POLI: variants seen among roughly 807,000 people sequenced by gnomAD.
POLI encodes the protein DNA polymerase iota, also known as RAD30 homolog B.
In POLI, 58 loss-of-function variants were observed where a neutral mutation model predicts 51.6. That is an observed-to-expected ratio of 1.12 (90% CI 0.91 to 1.40). The LOEUF (loss-of-function observed/expected upper bound fraction) is 1.40. Among genes scored for constraint, POLI ranks in the 40% most tolerant of loss-of-function variants. The probability of loss-of-function intolerance (pLI) is 0.00; values close to 1 mark genes in which losing one functional copy is unlikely to be tolerated. For synonymous variants in POLI, 322 were observed against 299.7 expected (o/e 1.07, Z -0.77); for missense variants, 921 against 871.3 (o/e 1.06, Z -0.72).
Position 54,282,960 on chromosome 18 carries a change from A to T in POLI, c.920A>T (p.Gln307Leu). The T allele has an allele frequency of 6.2e-7, 1 of 1,611,004 alleles. No individual in the cohort carries two copies. The highest frequency in any genetic ancestry group is 2.2e-5 in the East Asian group (1 of 44,802). The change falls in exon 6 of 10, where the codon CAA becomes CTA. Residue 307 changes from glutamine (Q) to leucine (L), a missense_variant. Gln to Leu is a moderately radical substitution (Grantham distance 113, BLOSUM62 -2). Transcript: ENST00000579534. ...ELGISVAQRI[Q>L]KLSFGEDNSP... ...GGAATTTCAGTTGCTCAGCGTATCC[A>T]AAAGCTCAGTTTTGGAGAGGATAAC...
intron 3 of POLI, among the ~76,000 whole-genome samples, chr18:54,317,573 A>G (rs1368062933): frequency 6.6e-6 from 1 of 152,168 alleles, no homozygotes. Context: ...TATTAAAATT[A>G]TTTATTGGGC....
chr18:54,275,684 T>C (rs3730711), intron 3 of POLI, among the ~76,000 whole-genome samples: 18,116 of 152,206 alleles, frequency 0.12, 3,600 homozygotes, highest in African/African-American at 0.41. Flanking sequence ...ATGAGTAAGG[T>C]TGAGTATTTT....
intron 3 of POLI, among the ~76,000 whole-genome samples, chr18:54,318,645 A>G (rs561840533): frequency 1.4e-4 from 22 of 152,244 alleles, no homozygotes; most frequent in African/African-American, 5.3e-4. Flanking sequence ...CATTAAAAGT[A>G]TATCTGCTTA....
intron 3 of POLI, among the ~76,000 whole-genome samples, chr18:54,313,583 T>G (rs1485139500): frequency 6.6e-6 from 1 of 152,228 alleles, no homozygotes; most frequent in Non-Finnish European, 1.5e-5. Flanking sequence ...ATCCAATCAA[T>G]GAGCATGGAA....
At chr18:54,293,604 A>C (rs2088130098) in intron 9 of POLI, 45 bp from the exon 10 acceptor site, 2 of 1,302,128 alleles carry the variant, frequency 1.5e-6, no homozygotes, top group Non-Finnish European at 2.1e-6. Flanking sequence ...GCGATATTTA[A>C]AAGATATCAG....
intron 3 of POLI, among the ~76,000 whole-genome samples, chr18:54,317,812 C>T (rs2088753740): frequency 6.6e-6 from 1 of 152,156 alleles, no homozygotes. Flanking sequence ...CTGCAGTGAG[C>T]TATGATCATA....
At chr18:54,269,772 C>T (rs564763996) in intron 1 of POLI, 111 bp downstream of exon 1, 6 of 1,390,282 alleles carry the variant, frequency 4.3e-6, no homozygotes, top group Admixed American at 3.5e-5. Context: ...CCGCCCCACT[C>T]GGCTCCTCTA....
rs1402332750 is a variant in POLI at position 54,288,437 on chromosome 18, G to A, written c.1198+1026G>A. On this transcript the variant is annotated intron_variant, in intron 8 of 9. Coordinates refer to ENST00000579534, the MANE Select transcript of POLI (RefSeq NM_007195.3). ...GTCTTCATTCTTTGCTTTGCATGTGGGTATCCAGTTGTTCCTGCATCATTT... is the reference window on the plus strand; with the variant it reads ...GTCTTCATTCTTTGCTTTGCATGTGAGTATCCAGTTGTTCCTGCATCATTT... 3.3e-5 allele frequency among the ~76,000 whole-genome samples: 5 copies of A among 152,064 alleles called. No individual in the cohort carries two copies. The East Asian group carries it at 9.7e-4, about 29-fold the overall frequency.
At chr18:54,306,129 G>A (rs1228171755) in intron 3 of POLI, among the ~76,000 whole-genome samples, 1 of 152,178 alleles carries the variant, frequency 6.6e-6, no homozygotes, top group Non-Finnish European at 1.5e-5. Context: ...GGAGTGGTGA[G>A]AGAGGGCATC....
intron 3 of POLI, among the ~76,000 whole-genome samples, chr18:54,306,064 A>C (rs932085516): frequency 1.3e-5 from 2 of 152,102 alleles, no homozygotes; most frequent in Admixed American, 1.3e-4. Context: ...AGCCCCCTTT[A>C]TTTCTTTCTC....
rs1035587626 is a variant in POLI at position 54,274,109 on chromosome 18, G to A, written c.406+19G>A. 7.6e-7 allele frequency: 1 copy of A among 1,316,278 alleles called. No homozygotes were observed. The highest frequency in any genetic ancestry group is 9.9e-7 in the Non-Finnish European group (1 of 1,009,142). 81.5% of individuals were successfully genotyped at this position (1,316,278 alleles called of 1,614,324 possible). On this transcript the variant is annotated intron_variant, in intron 3 of 9. Coordinates refer to ENST00000579534, the MANE Select transcript of POLI (RefSeq NM_007195.3). ...GTTACAGGTACAAATGATAAGCAATGTACTTTTAGCATTAATTTTTATGTA... is the reference window on the plus strand; with the variant it reads ...GTTACAGGTACAAATGATAAGCAATATACTTTTAGCATTAATTTTTATGTA...
intron 3 of POLI, among the ~76,000 whole-genome samples, chr18:54,309,451 C>T (rs535905333): frequency 1.3e-5 from 2 of 152,312 alleles, no homozygotes; most frequent in East Asian, 1.9e-4. Context: ...CTGATCCTTC[C>T]TCTGGAAGCT....
intron 9 of POLI, among the ~76,000 whole-genome samples, chr18:54,292,430 T>A (rs1954251069): frequency 6.6e-6 from 1 of 152,152 alleles, no homozygotes. Flanking sequence ...ATTCTTTTGT[T>A]AAAGTATTTA....
chr18:54,290,626 A>C lies in POLI; in HGVS notation c.1199-1207A>C, dbSNP rs535743759. Among the ~76,000 whole-genome samples, 149 of 152,342 alleles carry C rather than the reference A, an allele frequency of 9.8e-4. 1 individual carries two copies. The highest frequency in any genetic ancestry group is 3.5e-3 in the South Asian group (17 of 4,830). On this transcript the variant is annotated intron_variant, in intron 8 of 9. Coordinates refer to ENST00000579534, the MANE Select transcript of POLI (RefSeq NM_007195.3). ...TGGATAAAGAAAACGTGTCACATATACATCATGGAATACTATGCAGCCATA... is the reference window on the plus strand; with the variant it reads ...TGGATAAAGAAAACGTGTCACATATCCATCATGGAATACTATGCAGCCATA...
chr18:54,317,411 T>C (rs1384258736), intron 3 of POLI, among the ~76,000 whole-genome samples: 8 of 152,166 alleles, frequency 5.3e-5, no homozygotes, highest in African/African-American at 1.9e-4. Context: ...TACAGTAATA[T>C]GCACAATAAA....
At chr18:54,302,704 A>T (rs938403305), downstream of POLI, among the ~76,000 whole-genome samples, 1 of 152,172 alleles carries the variant, frequency 6.6e-6, no homozygotes, top group Non-Finnish European at 1.5e-5. Context: ...GCTATCAAAT[A>T]CTAGGTCTTA....
At chr18:54,312,583 A>G (rs1431712382) in intron 3 of POLI, among the ~76,000 whole-genome samples, 1 of 152,154 alleles carries the variant, frequency 6.6e-6, no homozygotes, top group African/African-American at 2.4e-5. Context: ...AACAGTGTGT[A>G]AGTATTCCCT....
chr18:54,313,752 G>A (rs539708848), intron 3 of POLI, among the ~76,000 whole-genome samples: 43 of 152,250 alleles, frequency 2.8e-4, no homozygotes, highest in Middle Eastern at 6.8e-3. Flanking sequence ...TTGGCTGTCA[G>A]TTTTGATGTT....
intron 6 of POLI, chr18:54,283,619 A>T (rs745845322): frequency 5.8e-6 from 1 of 172,062 alleles, no homozygotes; most frequent in Admixed American, 6.2e-5. Flanking sequence ...AACTCTTGCC[A>T]TAATCATACA....
Sources: gnomAD v4.1 joint callset for allele counts (sites outside exome capture counted in the v4.1 genomes callset) on GRCh38, gnomAD v4.1.1 for gene constraint, MANE v1.5 for transcripts, NCBI Gene and HGNC (gene_info 2026-07-23, HGNC 2026-07-21) for gene names.